TMEM131: variants seen among roughly 807,000 people sequenced by gnomAD.
TMEM131 encodes the protein transmembrane protein 131, also known as 2610524E03Rik.
A neutral mutation model predicts 211.6 loss-of-function variants in TMEM131; 66 were observed. The ratio of observed to expected loss-of-function variants is 0.31; its 90% CI spans 0.26 to 0.38. The LOEUF (loss-of-function observed/expected upper bound fraction) is 0.38, where lower values mean the gene tolerates loss of function less well. Ranked by LOEUF, TMEM131 falls within the 10% of genes least tolerant of loss-of-function variation. TMEM131 has a pLI of 1.00. For synonymous variants in TMEM131, 844 were observed against 841.3 expected (o/e 1.00, Z -0.06); for missense variants, 2,036 against 2,299.3 (o/e 0.89, Z 2.34).
At chr2:97,777,289 G>A (rs747958797) in intron 31 of TMEM131, among the ~76,000 whole-genome samples, 22 of 152,184 alleles carry the variant, frequency 1.4e-4, no homozygotes, top group Non-Finnish European at 2.6e-4. Context: ...ACATCTTTTC[G>A]ATAATGGTGA....
chr2:97,762,289 T>A, intron 35 of TMEM131, 89 bp from the exon 36 acceptor site: 2 of 1,320,528 alleles, frequency 1.5e-6, no homozygotes, highest in Non-Finnish European at 2.1e-6. Flanking sequence ...AGACTATGCA[T>A]AACTCAAGCC....
At chr2:97,899,115 A>G (rs934466067) in intron 3 of TMEM131, among the ~76,000 whole-genome samples, 1 of 152,016 alleles carries the variant, frequency 6.6e-6, no homozygotes, top group Non-Finnish European at 1.5e-5. Flanking sequence ...TGTTGTATCT[A>G]CCTGGGGAAC....
chr2:97,947,777 C>G (rs1160619010), intron 1 of TMEM131, among the ~76,000 whole-genome samples: 1 of 152,114 alleles, frequency 6.6e-6, no homozygotes, highest in Non-Finnish European at 1.5e-5. Context: ...GAGGACTCAA[C>G]ATTGCCTGAT....
chr2:97,872,061 G>A (rs1289915558), intron 4 of TMEM131, among the ~76,000 whole-genome samples: 1 of 151,874 alleles, frequency 6.6e-6, no homozygotes. Context: ...AAGGGAGGAA[G>A]GGCAGAGAGA....
At chr2:97,845,246 G>A (rs147795979) in intron 5 of TMEM131, among the ~76,000 whole-genome samples, 1 of 152,110 alleles carries the variant, frequency 6.6e-6, no homozygotes, top group African/African-American at 2.4e-5. Flanking sequence ...TGGGAATACT[G>A]GCTCACCCAT....
chr2:97,804,780 T>C lies in TMEM131; in HGVS notation c.2402+308A>G, dbSNP rs114858852. 8.9e-4 allele frequency among the ~76,000 whole-genome samples: 135 copies of C among 152,288 alleles called. 1 individual carries two copies. Among genetic ancestry groups the C allele is most frequent in the African/African-American group, 3.1e-3 (130 of 41,554 alleles). Reference sequence around the variant, plus strand: ...GGTAGGTAAAAAACTTTCTTTCCTATGCAAATGGATGAGTCTAAGGTGAAT... The same window carrying C: ...GGTAGGTAAAAAACTTTCTTTCCTACGCAAATGGATGAGTCTAAGGTGAAT... On this transcript the variant is annotated intron_variant, in intron 22 of 40. Coordinates refer to ENST00000186436, the MANE Select transcript of TMEM131 (RefSeq NM_015348.2).
chr2:97,766,474 A>C lies in TMEM131; in HGVS notation c.4573+4T>G. ...CATGATCATAGAGAACAAGATGACA[A>C]TACCTTTTGTTTTCTGGGCATTTCG... On this transcript the variant is annotated splice_donor_region_variant and intron_variant, in intron 34 of 40. Coordinates refer to ENST00000186436, the MANE Select transcript of TMEM131 (RefSeq NM_015348.2). The C allele has an allele frequency of 6.2e-7, 1 of 1,613,962 alleles. No homozygotes were observed. The highest frequency in any genetic ancestry group is 8.5e-7 in the Non-Finnish European group (1 of 1,179,884).
intron 1 of TMEM131, among the ~76,000 whole-genome samples, chr2:97,953,224 A>G (rs1195452589): frequency 1.3e-5 from 2 of 152,228 alleles, no homozygotes; most frequent in East Asian, 1.9e-4. Flanking sequence ...TAACTTCAGA[A>G]AAGTGCATTT....
At chr2:97,929,666 T>G (rs1359081423) in intron 1 of TMEM131, among the ~76,000 whole-genome samples, 1 of 151,866 alleles carries the variant, frequency 6.6e-6, no homozygotes, top group Non-Finnish European at 1.5e-5. Context: ...GTCCTCCATT[T>G]CCTGTGTTTC....
At chr2:97,865,846 A>G (rs1241548174) in intron 4 of TMEM131, among the ~76,000 whole-genome samples, 2 of 152,196 alleles carry the variant, frequency 1.3e-5, no homozygotes, top group Non-Finnish European at 2.9e-5. Context: ...ATCCTTAAGT[A>G]AAGCTATGTG....
intron 5 of TMEM131, among the ~76,000 whole-genome samples, chr2:97,846,608 C>A (rs1001066717): frequency 6.6e-6 from 1 of 152,092 alleles, no homozygotes; most frequent in Non-Finnish European, 1.5e-5. Flanking sequence ...CTGCATGCAG[C>A]CCAGGATAGC....
chr2:97,955,284 T>C (rs1004806115), intron 1 of TMEM131, among the ~76,000 whole-genome samples: 1 of 152,196 alleles, frequency 6.6e-6, no homozygotes, highest in Non-Finnish European at 1.5e-5. Context: ...CTCATCATGA[T>C]ACAAATTCTC....
At chr2:97,887,981 A>G (rs1263390196) in intron 4 of TMEM131, 71 bp downstream of exon 4, 1 of 1,241,482 alleles carries the variant, frequency 8.1e-7, no homozygotes, top group Non-Finnish European at 1.2e-6. Context: ...CAGGCAAAAG[A>G]CAAGACAAAT....
chr2:97,894,519 A>G (rs1339571873), intron 3 of TMEM131, among the ~76,000 whole-genome samples: 2 of 152,174 alleles, frequency 1.3e-5, no homozygotes, highest in East Asian at 1.9e-4. Flanking sequence ...ATAAGCATGG[A>G]AAGTTTTTCC....
At chr2:97,798,947 G>A (rs1680896126) in intron 25 of TMEM131, among the ~76,000 whole-genome samples, 1 of 152,108 alleles carries the variant, frequency 6.6e-6, no homozygotes, top group African/African-American at 2.4e-5. Flanking sequence ...AAACTCTCAT[G>A]GTTTGGGGAA....
chr2:97,875,895 CA>C (rs1352775260), intron 4 of TMEM131, among the ~76,000 whole-genome samples: 2 of 152,008 alleles, frequency 1.3e-5, no homozygotes, highest in African/African-American at 2.4e-5. Context: ...GATAGAGACA[CA>C]AAAAACCCTT....
intron 1 of TMEM131, among the ~76,000 whole-genome samples, chr2:97,976,173 T>C (rs769961845): frequency 1.3e-5 from 2 of 152,186 alleles, no homozygotes; most frequent in Admixed American, 6.5e-5. Context: ...TTACTACTTC[T>C]ATTCAACATT....
intron 1 of TMEM131, among the ~76,000 whole-genome samples, chr2:97,977,992 CAGA>C (rs1324082746): frequency 6.6e-6 from 1 of 152,106 alleles, no homozygotes; most frequent in East Asian, 1.9e-4. Flanking sequence ...GAGGTCATGG[CAGA>C]AGAACTGCTT....
Position 97,815,214 on chromosome 2 carries a change from G to C in TMEM131, c.1277C>G (p.Ala426Gly), listed in dbSNP as rs563639888. The change falls in exon 13 of 41, where the codon GCA becomes GGA. Residue 426 changes from alanine to glycine, a missense_variant. Transcript: ENST00000186436. ...SYSKLEIPYQ[A>G]EVLDGYLGFD... ...AGAAACTCACCCATCTAAAACTTCT[G>C]CTTGATATGGTATTTCAAGTTTAGA... 6.5e-7 allele frequency: 1 copy of C among 1,533,756 alleles called. No individual in the cohort carries two copies. Among genetic ancestry groups the C allele is most frequent in the Non-Finnish European group, 8.7e-7 (1 of 1,145,648 alleles).
Sources: allele counts gnomAD v4.1 joint callset (sites outside exome capture counted in the v4.1 genomes callset), GRCh38; gene constraint gnomAD v4.1.1; transcripts MANE v1.5; gene names NCBI Gene and HGNC (gene_info 2026-07-23, HGNC 2026-07-21).